Variants in NT5DC1 observed in about 807,000 individuals in gnomAD.
The protein encoded by NT5DC1 is 5'-nucleotidase domain-containing protein 1.
NT5DC1 carries 42 observed loss-of-function variants against 59.4 expected under a neutral mutation model. The observed-to-expected ratio is 0.71, with a 90% CI of 0.55 to 0.92. The LOEUF is 0.92. Among genes scored for constraint, NT5DC1 ranks in the 40% least tolerant of loss-of-function variants. NT5DC1 has a pLI of 0.00. For missense variants in NT5DC1, 501 were observed against 537.1 expected, an observed-to-expected ratio of 0.93 and a Z score of 0.66; for synonymous variants, 172 against 188.1, an observed-to-expected ratio of 0.91 and a Z score of 0.70.
intron 6 of NT5DC1, 116 bp downstream of exon 6, chr6:116,118,061 T>G (rs1358915181): frequency 8.6e-6 from 6 of 696,414 alleles, no homozygotes; most frequent in Non-Finnish European, 1.3e-5. Context: ...TAATTTAAGC[T>G]TAAATATTAT....
In NT5DC1 at chr6:116,113,940, A is replaced by G. The variant is rs937890021; in HGVS notation, c.365-1751A>G. On this transcript the variant is annotated intron_variant, in intron 4 of 11. Transcript: ENST00000319550. Reference sequence around the variant, plus strand: ...GATATGACAAAGTGCAGATTAATGAACCTTGGGAAGCTTTGCCCACTGTCC... The same window carrying G: ...GATATGACAAAGTGCAGATTAATGAGCCTTGGGAAGCTTTGCCCACTGTCC... Among the ~76,000 whole-genome samples, 3 of 152,134 alleles carry G rather than the reference A, an allele frequency of 2.0e-5. No individual in the cohort carries two copies. In the South Asian group the frequency reaches 6.2e-4, roughly 32 times the overall value.
At chr6:116,202,690 A>G (rs1279137848) in intron 6 of NT5DC1, among the ~76,000 whole-genome samples, 1 of 152,144 alleles carries the variant, frequency 6.6e-6, no homozygotes, top group East Asian at 1.9e-4. Flanking sequence ...CTGAGATTAT[A>G]GTCTAGGAAA....
At chr6:116,217,922 C>A (rs947874876) in intron 6 of NT5DC1, among the ~76,000 whole-genome samples, 12 of 152,082 alleles carry the variant, frequency 7.9e-5, no homozygotes, top group African/African-American at 2.9e-4. Context: ...ATAATTATGT[C>A]TCCTATTCCT....
chr6:116,221,200 T>C lies in NT5DC1; in HGVS notation c.676T>C (p.Cys226Arg). Residue 226 changes from cysteine (C) to arginine (R), a missense_variant, in exon 7 of 12, where the codon TGT becomes CGT. Cys to Arg is a radical substitution (Grantham distance 180). Coordinates refer to ENST00000319550, the MANE Select transcript of NT5DC1 (RefSeq NM_152729.3). ...AATTACCAGTTCTCACAGTGATTAC[T>C]GTAGACTTCTCTGCGAATATATTCT... ...LLITSSHSDY[C>R]RLLCEYILGN... 6.2e-7 allele frequency: 1 copy of C among 1,600,528 alleles called. No homozygotes were observed. The highest frequency in any genetic ancestry group is 8.6e-7 in the Non-Finnish European group (1 of 1,168,872).
intron 6 of NT5DC1, among the ~76,000 whole-genome samples, chr6:116,201,145 G>A (rs1781338362): frequency 6.6e-6 from 1 of 151,910 alleles, no homozygotes; most frequent in Non-Finnish European, 1.5e-5. Context: ...TGAGATAAGG[G>A]GATCCTTCAG....
At position 116,106,313 on chromosome 6, in the gene NT5DC1, A is replaced by T. The variant is rs149700646; in HGVS notation, c.163A>T (p.Thr55Ser). ...KGYDKELLNV[T>S]PEDWDFCCKG... ...GTACGATAAGGAATTGCTCAATGTGACCCCAGAGGATTGGGATTTCTGGTA... is the reference window on the plus strand; with the variant it reads ...GTACGATAAGGAATTGCTCAATGTGTCCCCAGAGGATTGGGATTTCTGGTA... The change falls in exon 2 of 12, where the codon ACC becomes TCC. Residue 55 changes from threonine to serine, a missense_variant. Thr to Ser is a moderately conservative substitution (Grantham distance 58, BLOSUM62 1). Coordinates refer to ENST00000319550, the MANE Select transcript of NT5DC1 (RefSeq NM_152729.3). 1.4e-5 allele frequency: 22 copies of T among 1,529,520 alleles called. No individual in the cohort carries two copies. Among genetic ancestry groups the T allele is most frequent in the Non-Finnish European group, 1.8e-5 (20 of 1,106,768 alleles). 94.7% of individuals were successfully genotyped at this position (1,529,520 alleles called of 1,614,324 possible).
At chr6:116,136,781 G>C (rs368524623) in intron 6 of NT5DC1, among the ~76,000 whole-genome samples, 2 of 152,110 alleles carry the variant, frequency 1.3e-5, no homozygotes, top group African/African-American at 4.8e-5. Context: ...TAGTTCCAAC[G>C]GTTTGGAATC....
At chr6:116,212,204 T>C (rs926871662) in intron 6 of NT5DC1, among the ~76,000 whole-genome samples, 3 of 151,862 alleles carry the variant, frequency 2.0e-5, no homozygotes, top group Admixed American at 6.6e-5. Context: ...ATGTTCTTTT[T>C]TCCTTTTTCT....
chr6:116,233,111 C>T (rs1279759571), intron 8 of NT5DC1, among the ~76,000 whole-genome samples: 1 of 152,100 alleles, frequency 6.6e-6, no homozygotes, highest in Non-Finnish European at 1.5e-5. Context: ...TCTTGTAGAA[C>T]TTTGGTATAG....
chr6:116,108,349 A>T lies in NT5DC1; in HGVS notation c.186-15A>T. 1 of 1,547,898 alleles carries T rather than the reference A, an allele frequency of 6.5e-7. No individual in the cohort carries two copies. Among genetic ancestry groups the T allele is most frequent in the Non-Finnish European group, 8.9e-7 (1 of 1,119,880 alleles). ...AATATAGGAATTGATTAATAATCAA[A>T]CTTTCCTATTTCAGTTGCAAAGGTT... is the stretch of plus-strand genomic sequence containing the variant. On this transcript the variant is annotated splice_polypyrimidine_tract_variant and intron_variant, in intron 2 of 11. Transcript: ENST00000319550.
intron 6 of NT5DC1, among the ~76,000 whole-genome samples, chr6:116,157,045 T>A (rs1202882189): frequency 6.6e-6 from 1 of 152,156 alleles, no homozygotes; most frequent in Admixed American, 6.6e-5. Flanking sequence ...TAGCACTGCC[T>A]CCCTTCCACC....
At chr6:116,134,848 G>A (rs1241211896) in intron 6 of NT5DC1, among the ~76,000 whole-genome samples, 1 of 152,158 alleles carries the variant, frequency 6.6e-6, no homozygotes, top group Non-Finnish European at 1.5e-5. Flanking sequence ...AGTAGGCATG[G>A]TAGGAGGATA....
chr6:116,190,936 C>T (rs1661283123), intron 6 of NT5DC1, among the ~76,000 whole-genome samples: 1 of 151,874 alleles, frequency 6.6e-6, no homozygotes. Flanking sequence ...ACAAGGAAAT[C>T]CTGGTATTCC....
At chr6:116,183,725 G>T (rs1176085685) in intron 6 of NT5DC1, among the ~76,000 whole-genome samples, 1 of 151,750 alleles carries the variant, frequency 6.6e-6, no homozygotes, top group Admixed American at 6.6e-5. Context: ...GTATAGCAGG[G>T]CTACTCATTT....
chr6:116,238,200 G>C lies in NT5DC1; in HGVS notation c.935G>C (p.Gly312Ala). ...GKPEPKVVYF[G>A]DSMHSDIFPA... is the part of the protein sequence containing the mutation. Reference sequence around the variant, plus strand: ...TCTGTCTTACAGGTTGTTTATTTTGGTGACAGCATGCATTCAGATATTTTC... The same window carrying C: ...TCTGTCTTACAGGTTGTTTATTTTGCTGACAGCATGCATTCAGATATTTTC... The change falls in exon 10 of 12, where the codon GGT becomes GCT. Residue 312 changes from glycine to alanine, a missense_variant. Gly to Ala is a moderately conservative substitution (Grantham distance 60). Transcript: ENST00000319550. 1 of 1,608,162 alleles carries C rather than the reference G, an allele frequency of 6.2e-7. No individual in the cohort carries two copies.
In NT5DC1 at chr6:116,114,854, G is replaced by A. The variant is rs73772256; in HGVS notation, c.365-837G>A. Reference sequence around the variant, plus strand: ...ACAGGAAGCAGGGCATTCTTTTACTGGTTCCTGAACCTGTTCTAAATGTGA... The same window carrying A: ...ACAGGAAGCAGGGCATTCTTTTACTAGTTCCTGAACCTGTTCTAAATGTGA... On this transcript the variant is annotated intron_variant, in intron 4 of 11. Transcript: ENST00000319550. 4.3e-3 allele frequency among the ~76,000 whole-genome samples: 662 copies of A among 152,278 alleles called. 6 individuals carry two copies. Among genetic ancestry groups the A allele is most frequent in the African/African-American group, 0.015 (641 of 41,540 alleles).
intron 8 of NT5DC1, among the ~76,000 whole-genome samples, chr6:116,228,337 C>T (rs1781947582): frequency 6.6e-6 from 1 of 152,136 alleles, no homozygotes. Flanking sequence ...GGAGAAACCT[C>T]GTCTCTACTA....
At chr6:116,184,685 A>G (rs1780957438) in intron 6 of NT5DC1, among the ~76,000 whole-genome samples, 3 of 152,078 alleles carry the variant, frequency 2.0e-5, no homozygotes, top group African/African-American at 7.2e-5. Context: ...AGGTGTTCAT[A>G]GTAGCCTTGG....
chr6:116,203,315 T>C (rs1481964798), intron 6 of NT5DC1, among the ~76,000 whole-genome samples: 1 of 151,998 alleles, frequency 6.6e-6, no homozygotes, highest in African/African-American at 2.4e-5. Flanking sequence ...TACATTGTTA[T>C]TAAATGTGAA....
Sources: allele counts gnomAD v4.1 joint callset (sites outside exome capture counted in the v4.1 genomes callset), GRCh38; gene constraint gnomAD v4.1.1; transcripts MANE v1.5; gene names NCBI Gene and HGNC (gene_info 2026-07-23, HGNC 2026-07-21).